Variants in PIK3R5 observed in about 807,000 individuals in gnomAD.
PIK3R5 encodes the protein phosphoinositide 3-kinase regulatory subunit 5.
In PIK3R5, 32 loss-of-function variants were observed where a neutral mutation model predicts 94.9. The ratio of observed to expected loss-of-function variants is 0.34; its 90% confidence interval spans 0.25 to 0.45. The LOEUF is 0.45. Among genes scored for constraint, PIK3R5 ranks in the 20% least tolerant of loss-of-function variants. The pLI is 1.00. For missense variants in PIK3R5, 853 were observed against 1,144.6 expected, an observed-to-expected ratio of 0.75 and a Z score of 3.68; for synonymous variants, 443 against 479.4, an observed-to-expected ratio of 0.92 and a Z score of 0.99.
intron 1 of PIK3R5, among the ~76,000 whole-genome samples, chr17:8,922,114 C>T (rs940144594): frequency 2.8e-5 from 4 of 143,846 alleles, no homozygotes; most frequent in African/African-American, 1.0e-4. Flanking sequence ...CCATGAGTTT[C>T]AGCCTGGAGA....
chr17:8,939,703 G>A (rs2091139505), intron 1 of PIK3R5, among the ~76,000 whole-genome samples: 1 of 152,168 alleles, frequency 6.6e-6, no homozygotes, highest in African/African-American at 2.4e-5. Context: ...TGAAAATAAC[G>A]ATGCCACGTG....
chr17:8,913,687 G>A (rs1233950997), intron 1 of PIK3R5, among the ~76,000 whole-genome samples: 1 of 152,230 alleles, frequency 6.6e-6, no homozygotes, highest in African/African-American at 2.4e-5. Flanking sequence ...ACCCCAGCCT[G>A]GGTGACAGAG....
In PIK3R5 at chr17:8,932,574, C is replaced by T. The variant is rs192691646; in HGVS notation, c.-13-21067G>A. The stretch of plus-strand genomic sequence containing the variant: ...AAAAGAACCAAATGGAAATCTATTA[C>T]CAAAAGGAAACACAATCTCTGAAAA... On this transcript the variant is annotated intron_variant, in intron 1 of 18. Coordinates refer to ENST00000447110, the MANE Select transcript of PIK3R5 (RefSeq NM_001142633.3). Among the ~76,000 whole-genome samples the T allele has an allele frequency of 5.3e-4, 80 of 151,986 alleles. 3 individuals are homozygous for T. In the East Asian group the frequency reaches 0.014, roughly 27 times the overall value.
Position 8,945,263 on chromosome 17 carries a change from G to T in PIK3R5, c.-14+20333C>A, listed in dbSNP as rs2091253275. On this transcript the variant is annotated intron_variant, in intron 1 of 18. Coordinates refer to ENST00000447110, the MANE Select transcript of PIK3R5 (RefSeq NM_001142633.3). The surrounding 1 kb of genome is among the most constrained non-coding windows in gnomAD (Gnocchi z 4.0). ...CAGCTAAGGCCTAGGAGTTGTGCCA[G>T]GAAACCAGCCACTGGGGTGGGTCAT... 6.6e-6 allele frequency among the ~76,000 whole-genome samples: 1 copy of T among 152,182 alleles called. No individual in the cohort carries two copies. The highest frequency in any genetic ancestry group is 1.5e-5 in the Non-Finnish European group (1 of 68,030).
rs1419618554 is a variant in PIK3R5, at chr17:8,880,710, C to G, written c.2572G>C (p.Ala858Pro). The G allele has an allele frequency of 6.2e-7, 1 of 1,613,784 alleles. No individual in the cohort carries two copies. The highest frequency in any genetic ancestry group is 1.3e-5 in the African/African-American group (1 of 74,912). Residue 858 changes from alanine to proline, a missense_variant, in exon 19 of 19, where the codon GCC (alanine) becomes CCC (proline). This residue lies in a region of PIK3R5 where 91 missense variants were observed against 90.5 expected (regional missense o/e 1.01). Coordinates refer to ENST00000447110, the MANE Select transcript of PIK3R5 (RefSeq NM_001142633.3). ...GAGCAGAGATCAGGTGCGGCCTGGG[C>G]CGGCAGGTCAGGAGGCGTCTGGGGT... Reference protein sequence around the residue: ...SPPQTPPDLPAQAAPDLCSLL... With the variant: ...SPPQTPPDLPPQAAPDLCSLL...
Position 8,911,600 on chromosome 17 carries a change from C to A in PIK3R5, c.-13-93G>T. On this transcript the variant is annotated intron_variant, in intron 1 of 18. Transcript: ENST00000447110. The surrounding 1 kb of genome is among the most constrained non-coding windows in gnomAD (Gnocchi z 5.3). ...GACAACAGGTGCTCACAGTGCAGCG[C>A]GATCAGCCCAGCCCAGCTATAGCTC... The A allele has an allele frequency of 1.3e-6, 1 of 787,206 alleles. No individual in the cohort carries two copies. The allele number at this position is 787,206 out of a possible 1,614,324, so 48.8% of individuals were successfully genotyped here.
Position 8,888,283 on chromosome 17 carries a change from G to T in PIK3R5, c.1504C>A (p.Arg502Ser). 2.5e-6 allele frequency: 4 copies of T among 1,613,250 alleles called. No individual in the cohort carries two copies. Among genetic ancestry groups the T allele is most frequent in the Non-Finnish European group, 3.4e-6 (4 of 1,179,852 alleles). The change falls in exon 10 of 19, where the codon CGC becomes AGC. Residue 502 changes from arginine to serine, a missense_variant. Transcript: ENST00000447110. The surrounding 1 kb of genome is among the most constrained non-coding windows in gnomAD (Gnocchi z 7.8). ...TCATCTCCACTCAGGAAGGGGCGGCGGCGCTGGGGGCGTGAAGCAGGGGCC... is the reference window on the plus strand; with the variant it reads ...TCATCTCCACTCAGGAAGGGGCGGCTGCGCTGGGGGCGTGAAGCAGGGGCC... ...LLAPASRPQR[R>S]RPFLSGDEDP...
At position 8,884,778 on chromosome 17, in the gene PIK3R5, C is replaced by T; in HGVS notation, c.2134G>A (p.Gly712Ser). 1 of 1,612,934 alleles carries T rather than the reference C, an allele frequency of 6.2e-7. No homozygotes were observed. The highest frequency in any genetic ancestry group is 2.2e-5 in the East Asian group (1 of 44,876). The change falls in exon 15 of 19, where the codon GGC becomes AGC. Residue 712 changes from glycine (G) to serine (S), a missense_variant. Physicochemically the swap from Gly to Ser is moderately conservative, Grantham distance 56. Coordinates refer to ENST00000447110, the MANE Select transcript of PIK3R5 (RefSeq NM_001142633.3). The surrounding 1 kb of genome is among the most constrained non-coding windows in gnomAD (Gnocchi z 5.8). ...CCATCGATGCCCAGCCGCTTGCTGC[C>T]AGGACCTGTGCCACACACAGACAGA... is the stretch of plus-strand genomic sequence containing the variant. ...ATRAIKASGP[G>S]SKRLGIDGDR...
chr17:8,901,147 G>A (rs2090273659), intron 5 of PIK3R5, among the ~76,000 whole-genome samples: 1 of 152,206 alleles, frequency 6.6e-6, no homozygotes, highest in African/African-American at 2.4e-5. Context: ...GGGAGGGAAT[G>A]AAGGAGTTTG....
Position 8,887,677 on chromosome 17 carries a change from C to A in PIK3R5, c.1623G>T (p.Leu541=). 1 of 1,595,342 alleles carries A rather than the reference C, an allele frequency of 6.3e-7. No homozygotes were observed. Among genetic ancestry groups the A allele is most frequent in the Non-Finnish European group, 8.5e-7 (1 of 1,170,804 alleles). The change falls in exon 11 of 19, where the codon CTG becomes CTT. Residue 541 remains leucine, a synonymous_variant. Transcript: ENST00000447110. ...GTGTGAGGAGTGGGCGATTGTTCTC[C>A]AGCCGCCTGGCAAGAAGAAGATGGT... is the stretch of plus-strand genomic sequence containing the variant. ...VARAYSNLRR[L]ENNRPLLTRF... is the part of the protein sequence containing the mutation.
rs1247263688 is a variant in PIK3R5, at chr17:8,941,972, G to A, written c.-14+23624C>T. ...TTTCCCATGACCATCTGAATTCTCT[G>A]AGAATTTCCCGTTAGATGGGCGTGG... On this transcript the variant is annotated intron_variant, in intron 1 of 18. Transcript: ENST00000447110. Among the ~76,000 whole-genome samples the A allele has an allele frequency of 2.6e-5, 4 of 152,218 alleles. No homozygotes were observed. The East Asian group carries it at 7.7e-4, about 29-fold the overall frequency.
In PIK3R5 at chr17:8,925,732, G is replaced by A. The variant is rs1685441269; in HGVS notation, c.-13-14225C>T. ...ATAAGTGGGTACAGCTTGCATCATG[G>A]CTGAGTACATTTTGGTCCCCAAGTG... On this transcript the variant is annotated intron_variant, in intron 1 of 18. Transcript: ENST00000447110. This position sits in a 1 kb window ranked among gnomAD's most constrained non-coding sequence, Gnocchi z 5.1. Among the ~76,000 whole-genome samples the A allele has an allele frequency of 6.6e-6, 1 of 152,224 alleles. No homozygotes were observed. The highest frequency in any genetic ancestry group is 2.1e-4 in the South Asian group (1 of 4,828).
intron 1 of PIK3R5, among the ~76,000 whole-genome samples, chr17:8,939,262 G>A (rs1359295484): frequency 6.6e-6 from 1 of 152,146 alleles, no homozygotes; most frequent in African/African-American, 2.4e-5. Flanking sequence ...GTAACACCTC[G>A]AATTCTCTAC....
In PIK3R5 at chr17:8,925,370, G is replaced by C. The variant is rs1482946046; in HGVS notation, c.-13-13863C>G. Among the ~76,000 whole-genome samples the C allele has an allele frequency of 2.0e-5, 3 of 151,158 alleles. No individual in the cohort carries two copies. Among genetic ancestry groups the C allele is most frequent in the Non-Finnish European group, 4.4e-5 (3 of 67,928 alleles). ...TAGATAGATGGATTGATAGATAGTA[G>C]ATGGATAGATAGATAGATAGTAGAT... On this transcript the variant is annotated intron_variant, in intron 1 of 18. Coordinates refer to ENST00000447110, the MANE Select transcript of PIK3R5 (RefSeq NM_001142633.3). The surrounding 1 kb of genome is among the most constrained non-coding windows in gnomAD (Gnocchi z 5.1).
intron 1 of PIK3R5, among the ~76,000 whole-genome samples, chr17:8,963,372 C>T (rs1014534870): frequency 3.9e-5 from 6 of 152,182 alleles, no homozygotes; most frequent in African/African-American, 1.4e-4. Flanking sequence ...TCCTCTCCCA[C>T]TCCTCAGCCA....
chr17:8,955,147 G>A lies in PIK3R5; in HGVS notation c.-14+10449C>T, dbSNP rs894905083. Among the ~76,000 whole-genome samples the A allele has an allele frequency of 6.6e-6, 1 of 152,118 alleles. No individual in the cohort carries two copies. The highest frequency in any genetic ancestry group is 1.5e-5 in the Non-Finnish European group (1 of 68,032). ...TATGTCTGGAGGGTCCTTGAGGGGAGGATGACCGAACCCCACAGAGGTCTC... is the reference window on the plus strand; with the variant it reads ...TATGTCTGGAGGGTCCTTGAGGGGAAGATGACCGAACCCCACAGAGGTCTC... On this transcript the variant is annotated intron_variant, in intron 1 of 18. Transcript: ENST00000447110. This position sits in a 1 kb window ranked among gnomAD's most constrained non-coding sequence, Gnocchi z 4.4.
At chr17:8,939,821 T>C (rs1009194130) in intron 1 of PIK3R5, among the ~76,000 whole-genome samples, 2 of 152,166 alleles carry the variant, frequency 1.3e-5, no homozygotes, top group East Asian at 3.9e-4. Context: ...GGACTGTCAT[T>C]GCCTTTTGAT....
At chr17:8,948,787 C>T (rs748595042) in intron 1 of PIK3R5, among the ~76,000 whole-genome samples, 8 of 152,202 alleles carry the variant, frequency 5.3e-5, no homozygotes, top group Non-Finnish European at 8.8e-5. Flanking sequence ...CTTCAGCATG[C>T]TCCAGGCCCC....
rs2091261859 is a variant in PIK3R5, at chr17:8,945,846, G to A, written c.-14+19750C>T. Among the ~76,000 whole-genome samples, 4 of 152,206 alleles carry A rather than the reference G, an allele frequency of 2.6e-5. No homozygotes were observed. Among genetic ancestry groups the A allele is most frequent in the Admixed American group, 2.6e-4 (4 of 15,276 alleles). ...TGGCTTCCAAGGCTAGGTCACTAAA[G>A]ACCATGCAGCTACTGTCTTGTTTGC... On this transcript the variant is annotated intron_variant, in intron 1 of 18. Coordinates refer to ENST00000447110, the MANE Select transcript of PIK3R5 (RefSeq NM_001142633.3). The surrounding 1 kb of genome is among the most constrained non-coding windows in gnomAD (Gnocchi z 4.0).
Sources: gnomAD v4.1 joint callset for allele counts (sites outside exome capture counted in the v4.1 genomes callset) on GRCh38, gnomAD v4.1.1 for gene constraint, gnomAD v4.1.1 regional missense constraint, Gnocchi (gnomAD v3.1) non-coding constraint, MANE v1.5 for transcripts, NCBI Gene and HGNC (gene_info 2026-07-23, HGNC 2026-07-21) for gene names.